The following EEFSEC variants were observed in gnomAD, a reference collection of about 807,000 sequenced individuals.
The protein encoded by EEFSEC is eukaryotic elongation factor, selenocysteine-tRNA specific.
Under a neutral mutation model 42.1 loss-of-function variants are expected in EEFSEC, and 43 were observed. That is an observed-to-expected ratio of 1.02 (90% CI 0.80 to 1.32). The LOEUF (loss-of-function observed/expected upper bound fraction) is 1.32, where lower values mean the gene tolerates loss of function less well. Ranked by LOEUF, EEFSEC falls within the 40% of genes most tolerant of loss-of-function variation. The pLI is 0.00. For synonymous variants in EEFSEC, 354 were observed against 339.1 expected, an observed-to-expected ratio of 1.04 and a Z score of -0.48; for missense variants, 745 against 803.6, an observed-to-expected ratio of 0.93 and a Z score of 0.88.
chr3:128,244,002 C>G (rs1188989505), intron 1 of EEFSEC, among the ~76,000 whole-genome samples: 2 of 152,210 alleles, frequency 1.3e-5, no homozygotes, highest in Non-Finnish European at 2.9e-5. Flanking sequence ...CTTGGATAGT[C>G]AGAATTACTC....
At chr3:128,236,254 C>A (rs1040464226) in intron 1 of EEFSEC, among the ~76,000 whole-genome samples, 1 of 152,218 alleles carries the variant, frequency 6.6e-6, no homozygotes, top group Non-Finnish European at 1.5e-5. Flanking sequence ...GGATTATAGG[C>A]GTGAGCCACT....
At chr3:128,202,959 T>G (rs987864246) in intron 1 of EEFSEC, among the ~76,000 whole-genome samples, 1 of 152,234 alleles carries the variant, frequency 6.6e-6, no homozygotes, top group African/African-American at 2.4e-5. Context: ...TTATACTGAT[T>G]GATTTTTTTG....
rs564131100 is a variant in EEFSEC, at chr3:128,335,737, C to T, written c.787-5496C>T. On this transcript the variant is annotated intron_variant, in intron 4 of 6. Transcript: ENST00000254730. ...AACAGGCTCTTGGAAGAACAGGCTG[C>T]GGGGGAGGGGGCAACAATCCAAGCC... Among the ~76,000 whole-genome samples the T allele has an allele frequency of 1.2e-4, 19 of 152,022 alleles. No homozygotes were observed. The South Asian group carries it at 1.9e-3, about 15-fold the overall frequency.
chr3:128,182,132 G>A (rs1319004702), intron 1 of EEFSEC, among the ~76,000 whole-genome samples: 1 of 152,172 alleles, frequency 6.6e-6, no homozygotes, highest in East Asian at 1.9e-4. Flanking sequence ...TTTCTTTGAT[G>A]GGGCAAGGTA....
chr3:128,232,335 A>G (rs1488437996), intron 1 of EEFSEC, among the ~76,000 whole-genome samples: 1 of 152,198 alleles, frequency 6.6e-6, no homozygotes, highest in African/African-American at 2.4e-5. Flanking sequence ...AACGAGGGGA[A>G]AAAAGTAGAA....
At chr3:128,293,687 A>AAAAAAAAAAAAAAAAAT in intron 4 of EEFSEC, among the ~76,000 whole-genome samples, 1 of 147,602 alleles carries the variant, frequency 6.8e-6, no homozygotes, top group African/African-American at 2.6e-5. Context: ...AAAAAAAAAA[A>AAAAAAAAAAAAAAAAAT]CTTCCCTTAT....
intron 4 of EEFSEC, among the ~76,000 whole-genome samples, chr3:128,278,904 A>G (rs909868443): frequency 2.0e-5 from 3 of 152,206 alleles, no homozygotes; most frequent in Non-Finnish European, 2.9e-5. Flanking sequence ...GCAGCCTCCA[A>G]TGCTGCTGCT....
chr3:128,341,114 G>A, intron 4 of EEFSEC, 119 bp from the exon 5 acceptor site: 1 of 1,256,138 alleles, frequency 8.0e-7, no homozygotes, highest in Non-Finnish European at 1.1e-6. Flanking sequence ...CCCTTGGCTG[G>A]TCCTCACGGT....
At chr3:128,174,510 A>T (rs1358475196) in intron 1 of EEFSEC, among the ~76,000 whole-genome samples, 1 of 152,146 alleles carries the variant, frequency 6.6e-6, no homozygotes, top group African/African-American at 2.4e-5. Flanking sequence ...GAGGTTTCAG[A>T]CTGCCTCAAA....
chr3:128,197,979 C>T (rs1469295508), intron 1 of EEFSEC, among the ~76,000 whole-genome samples: 4 of 152,202 alleles, frequency 2.6e-5, no homozygotes, highest in Non-Finnish European at 5.9e-5. Context: ...TGACTTTAAT[C>T]TTTAAGCCTT....
intron 4 of EEFSEC, among the ~76,000 whole-genome samples, chr3:128,310,384 G>A (rs1445587391): frequency 6.6e-6 from 1 of 152,222 alleles, no homozygotes; most frequent in East Asian, 1.9e-4. Flanking sequence ...CCTGGAGGTT[G>A]TGGCTTTTAC....
the EEFSEC span, among the ~76,000 whole-genome samples, chr3:128,416,395 C>T: frequency 6.6e-6 from 1 of 152,156 alleles, no homozygotes; most frequent in Non-Finnish European, 1.5e-5. Flanking sequence ...CCCCGCCCAG[C>T]TCCACACGCA....
In EEFSEC at chr3:128,206,767, A is replaced by G. The variant is rs370154806; in HGVS notation, c.317-40069A>G. Among the ~76,000 whole-genome samples, 8 of 152,322 alleles carry G rather than the reference A, an allele frequency of 5.3e-5. No homozygotes were observed. In the South Asian group the frequency reaches 6.2e-4, roughly 12 times the overall value. ...AGGTAGGTGGGCTCCTCTCTGTCTA[A>G]CAGATGAGGATGCTGAGACACAGAC... On this transcript the variant is annotated intron_variant, in intron 1 of 6. Coordinates refer to ENST00000254730, the MANE Select transcript of EEFSEC (RefSeq NM_021937.5).
At chr3:128,218,640 T>C (rs1022721495) in intron 1 of EEFSEC, among the ~76,000 whole-genome samples, 5 of 152,198 alleles carry the variant, frequency 3.3e-5, no homozygotes, top group Admixed American at 1.3e-4. Context: ...GTTTGCTTGT[T>C]CATTGTTTCG....
At chr3:128,362,849 A>G (rs1216206758) in intron 6 of EEFSEC, among the ~76,000 whole-genome samples, 3 of 152,238 alleles carry the variant, frequency 2.0e-5, no homozygotes, top group Non-Finnish European at 4.4e-5. Flanking sequence ...GGGTACTCAT[A>G]TCTCAGGCAC....
chr3:128,415,170 C>T, the EEFSEC span, among the ~76,000 whole-genome samples: 5 of 152,006 alleles, frequency 3.3e-5, no homozygotes, highest in African/African-American at 4.8e-5. Context: ...TCTGGGTGGA[C>T]GCAGAGATGG....
At position 128,169,437 on chromosome 3, in the gene EEFSEC, C is replaced by T. The variant is rs184266909; in HGVS notation, c.316+15614C>T. Among the ~76,000 whole-genome samples, 8 of 152,282 alleles carry T rather than the reference C, an allele frequency of 5.3e-5. No homozygotes were observed. In the East Asian group the frequency reaches 1.2e-3, roughly 22 times the overall value. On this transcript the variant is annotated intron_variant, in intron 1 of 6. Coordinates refer to ENST00000254730, the MANE Select transcript of EEFSEC (RefSeq NM_021937.5). ...AGTCCCAGTTTTGCTGAAAGATAAG[C>T]GTGGCACATCCTATCATTCTGAAAT...
intron 1 of EEFSEC, among the ~76,000 whole-genome samples, chr3:128,164,087 C>T (rs930264112): frequency 1.3e-5 from 2 of 152,192 alleles, no homozygotes; most frequent in Non-Finnish European, 2.9e-5. Flanking sequence ...GTGCCTGGCC[C>T]ATGGAGACAT....
chr3:128,327,989 G>A (rs1025963772), intron 4 of EEFSEC, among the ~76,000 whole-genome samples: 5 of 152,216 alleles, frequency 3.3e-5, no homozygotes, highest in Non-Finnish European at 5.9e-5. Flanking sequence ...CTTGAACCGT[G>A]AACAAGGGCT....
Sources: allele counts gnomAD v4.1 joint callset (sites outside exome capture counted in the v4.1 genomes callset), GRCh38; gene constraint gnomAD v4.1.1; transcripts MANE v1.5; gene names NCBI Gene and HGNC (gene_info 2026-07-23, HGNC 2026-07-21).